The following ASTN2 variants were observed in gnomAD, a reference collection of about 807,000 sequenced individuals.
ASTN2 encodes the protein astrotactin-2.
Under a neutral mutation model 139.8 loss-of-function variants are expected in ASTN2, and 54 were observed. The ratio of observed to expected loss-of-function variants is 0.39; its 90% CI spans 0.31 to 0.48. ASTN2 has a LOEUF of 0.48. ASTN2 is among the 20% of genes least tolerant of loss of function. ASTN2 has a pLI of 0.95. For missense variants in ASTN2, 1,565 were observed against 1,725.1 expected (o/e 0.91, Z 1.64); for synonymous variants, 756 against 719.5 (o/e 1.05, Z -0.81).
intron 3 of ASTN2, among the ~76,000 whole-genome samples, chr9:117,195,497 A>C (rs1181702852): frequency 2.0e-5 from 3 of 152,084 alleles, no homozygotes; most frequent in African/African-American, 7.2e-5. Flanking sequence ...CAGGAAGACC[A>C]ATAAGTAGGT....
At chr9:116,725,638 G>T (rs983396439) in intron 16 of ASTN2, 133 bp downstream of exon 16, 1 of 840,082 alleles carries the variant, frequency 1.2e-6, no homozygotes, top group Non-Finnish European at 1.9e-6. Context: ...GAGAGGCAGG[G>T]ACTTGCCCAT....
chr9:117,175,080 A>G (rs561651713), intron 3 of ASTN2, among the ~76,000 whole-genome samples: 1 of 152,232 alleles, frequency 6.6e-6, no homozygotes, highest in Non-Finnish European at 1.5e-5. Flanking sequence ...AAAAAAATCT[A>G]GAGGCTAAAA....
rs1238521433 is a variant in ASTN2, at chr9:117,090,259, C to T, written c.1276+5785G>A. On this transcript the variant is annotated intron_variant, in intron 5 of 22. Coordinates refer to ENST00000313400, the MANE Select transcript of ASTN2 (RefSeq NM_001365068.1). ...AAAGCTGAAAATGTTTATTAGTTGG[C>T]CACTTACAGAAAAATGTTGCTGGCC... is the stretch of plus-strand genomic sequence containing the variant. Among the ~76,000 whole-genome samples, 4 of 152,170 alleles carry T rather than the reference C, an allele frequency of 2.6e-5. No homozygotes were observed. In the East Asian group the frequency reaches 7.7e-4, roughly 29 times the overall value.
At chr9:116,992,617 G>A (rs1055992025) in intron 7 of ASTN2, among the ~76,000 whole-genome samples, 9 of 152,064 alleles carry the variant, frequency 5.9e-5, no homozygotes, top group African/African-American at 2.2e-4. Context: ...TCACATACCT[G>A]CTTCAGTGTT....
intron 11 of ASTN2, among the ~76,000 whole-genome samples, chr9:116,832,441 C>A (rs996861335): frequency 6.6e-6 from 1 of 151,946 alleles, no homozygotes; most frequent in African/African-American, 2.4e-5. Context: ...TGTCTCTGAC[C>A]TTTTGGAGAA....
chr9:116,695,025 C>T (rs538766979), intron 16 of ASTN2, among the ~76,000 whole-genome samples: 1 of 152,230 alleles, frequency 6.6e-6, no homozygotes, highest in African/African-American at 2.4e-5. Flanking sequence ...ATTAGTGTTC[C>T]TTCTGTGTTA....
chr9:116,814,455 G>A (rs1474306164), intron 12 of ASTN2, among the ~76,000 whole-genome samples: 1 of 151,992 alleles, frequency 6.6e-6, no homozygotes, highest in African/African-American at 2.4e-5. Context: ...AATTCCATGG[G>A]AAACTCTGGA....
chr9:117,188,166 T>C (rs1390550834), intron 3 of ASTN2, among the ~76,000 whole-genome samples: 2 of 125,670 alleles, frequency 1.6e-5, no homozygotes, highest in South Asian at 2.7e-4. Context: ...GTCTGTGTGA[T>C]AGAGAGAGAG....
chr9:116,887,764 C>A (rs1256627579), intron 10 of ASTN2, among the ~76,000 whole-genome samples: 1 of 152,040 alleles, frequency 6.6e-6, no homozygotes, highest in African/African-American at 2.4e-5. Flanking sequence ...ATCTCCTGGG[C>A]TCAGGTGATC....
Position 116,698,308 on chromosome 9 carries a change from G to A in ASTN2, c.2806+27463C>T. ...TATAAAGCAGTTCTCCAGGAGTATG[G>A]GCATGAGGAGCGCAGGGTCCAGGAT... On this transcript the variant is annotated intron_variant, in intron 16 of 22. Coordinates refer to ENST00000313400, the MANE Select transcript of ASTN2 (RefSeq NM_001365068.1). The surrounding 1 kb of genome is among the most constrained non-coding windows in gnomAD (Gnocchi z 4.4). The A allele has an allele frequency of 1.2e-6, 2 of 1,614,160 alleles. No individual in the cohort carries two copies. Among genetic ancestry groups the A allele is most frequent in the South Asian group, 1.1e-5 (1 of 91,074 alleles).
chr9:117,215,792 T>G (rs1832299222), intron 2 of ASTN2, among the ~76,000 whole-genome samples: 1 of 152,110 alleles, frequency 6.6e-6, no homozygotes, highest in Non-Finnish European at 1.5e-5. Context: ...TTTTCTTCAC[T>G]TTATACTCTG....
intron 11 of ASTN2, among the ~76,000 whole-genome samples, chr9:116,860,686 A>G (rs1190529409): frequency 6.6e-6 from 1 of 152,154 alleles, no homozygotes; most frequent in Non-Finnish European, 1.5e-5. Context: ...ATAGTGAGAC[A>G]TGGTCTTGGT....
intron 1 of ASTN2, among the ~76,000 whole-genome samples, chr9:117,311,656 A>G (rs1285962991): frequency 6.6e-6 from 1 of 152,168 alleles, no homozygotes; most frequent in Non-Finnish European, 1.5e-5. Flanking sequence ...CTCTCCAAAA[A>G]AAACCTCTTT....
chr9:116,425,450 G>T lies in ASTN2; in HGVS notation c.*401C>A. The T allele has an allele frequency of 1.0e-6, 1 of 995,176 alleles. No individual in the cohort carries two copies. Among genetic ancestry groups the T allele is most frequent in the Non-Finnish European group, 1.5e-6 (1 of 652,440 alleles). The allele number at this position is 995,176 out of a possible 1,614,324, so 61.6% of individuals were successfully genotyped here. A position where few individuals can be genotyped will look rare whatever the true frequency, so the allele number is the denominator to read the frequency against. On this transcript the variant is annotated 3_prime_UTR_variant, in exon 23 of 23. Coordinates refer to ENST00000313400, the MANE Select transcript of ASTN2 (RefSeq NM_001365068.1). ...CTCCTCTAGGGGTCAGGTCAAAACT[G>T]TCCCTCCATAGGTCTCCTCCAGGGG... is the stretch of plus-strand genomic sequence containing the variant.
intron 2 of ASTN2, among the ~76,000 whole-genome samples, chr9:117,232,941 A>T (rs1832941084): frequency 1.3e-5 from 2 of 151,012 alleles, no homozygotes; most frequent in South Asian, 4.2e-4. Flanking sequence ...TAATCAGAGG[A>T]CACTTTCAAT....
chr9:117,128,741 T>A (rs1829760669), intron 4 of ASTN2, among the ~76,000 whole-genome samples: 1 of 152,234 alleles, frequency 6.6e-6, no homozygotes, highest in African/African-American at 2.4e-5. Flanking sequence ...TACCTGAGAC[T>A]GGGCAATTTA....
intron 13 of ASTN2, among the ~76,000 whole-genome samples, chr9:116,793,101 T>C (rs1169904515): frequency 6.6e-6 from 1 of 151,584 alleles, no homozygotes; most frequent in African/African-American, 2.4e-5. Flanking sequence ...AATCTCAAAG[T>C]TGAAAAAAAA....
At chr9:117,084,855 A>C (rs1187656193) in intron 5 of ASTN2, among the ~76,000 whole-genome samples, 6 of 152,220 alleles carry the variant, frequency 3.9e-5, no homozygotes, top group African/African-American at 7.2e-5. Context: ...TTATATCCAG[A>C]CTTTTGGCCA....
intron 4 of ASTN2, among the ~76,000 whole-genome samples, chr9:117,097,877 T>G (rs1828877135): frequency 6.6e-6 from 1 of 152,240 alleles, no homozygotes; most frequent in South Asian, 2.1e-4. Context: ...CATTCATTCT[T>G]TCTAGCAACA....
Sources: gnomAD v4.1 joint callset for allele counts (sites outside exome capture counted in the v4.1 genomes callset) on GRCh38, gnomAD v4.1.1 for gene constraint, Gnocchi (gnomAD v3.1) non-coding constraint, MANE v1.5 for transcripts, NCBI Gene and HGNC (gene_info 2026-07-23, HGNC 2026-07-21) for gene names.